The following SPHKAP variants were observed in gnomAD, a reference collection of about 807,000 sequenced individuals.
SPHKAP encodes the protein A-kinase anchor protein SPHKAP.
A neutral mutation model predicts 137.5 loss-of-function variants in SPHKAP; 67 were observed. That is an observed-to-expected ratio of 0.49 (90% CI 0.40 to 0.60). The LOEUF is 0.60. SPHKAP is among the 20% of genes least tolerant of loss of function. The pLI, the probability that SPHKAP is intolerant of heterozygous loss-of-function variation, is 0.00. For missense variants in SPHKAP, 2,097 were observed against 2,069.3 expected, an observed-to-expected ratio of 1.01 and a Z score of -0.26; for synonymous variants, 813 against 785.3, an observed-to-expected ratio of 1.04 and a Z score of -0.59.
chr2:228,058,770 A>G (rs1198145162), intron 3 of SPHKAP, among the ~76,000 whole-genome samples: 2 of 152,244 alleles, frequency 1.3e-5, no homozygotes, highest in African/African-American at 2.4e-5. Flanking sequence ...AAATAGAAGA[A>G]TCTGCTTATT....
At chr2:227,985,153 C>T (rs1358461088) in intron 11 of SPHKAP, among the ~76,000 whole-genome samples, 1 of 152,108 alleles carries the variant, frequency 6.6e-6, no homozygotes, top group Non-Finnish European at 1.5e-5. Flanking sequence ...CTAGGCCACT[C>T]TGTGTATAGT....
intron 3 of SPHKAP, among the ~76,000 whole-genome samples, chr2:228,100,516 C>T (rs1460358577): frequency 6.6e-6 from 1 of 152,028 alleles, no homozygotes; most frequent in African/African-American, 2.4e-5. Context: ...AGGTATGTTA[C>T]TTTGATGCCT....
chr2:228,054,904 G>A (rs188871032), intron 3 of SPHKAP, among the ~76,000 whole-genome samples: 2 of 152,112 alleles, frequency 1.3e-5, no homozygotes, highest in African/African-American at 4.8e-5. Context: ...ACTTTGGGAG[G>A]CTGGGCAGGA....
At chr2:228,045,189 G>T (rs1054860697) in intron 3 of SPHKAP, among the ~76,000 whole-genome samples, 73 of 151,586 alleles carry the variant, frequency 4.8e-4, no homozygotes, top group South Asian at 8.4e-4. Context: ...AGGCAGTGTG[G>T]CGATTCCTCA....
chr2:228,038,324 A>G (rs574285723), intron 3 of SPHKAP, among the ~76,000 whole-genome samples: 2 of 152,306 alleles, frequency 1.3e-5, no homozygotes, highest in East Asian at 1.9e-4. Flanking sequence ...CAGTGTTATT[A>G]CAGGAGGAAA....
chr2:228,177,864 T>C (rs1244110360), intron 1 of SPHKAP, among the ~76,000 whole-genome samples: 1 of 152,184 alleles, frequency 6.6e-6, no homozygotes, highest in East Asian at 1.9e-4. Context: ...TGAGTTTTGA[T>C]CTTATCATTC....
intron 2 of SPHKAP, chr2:228,109,456 T>C (rs1286540581): frequency 2.4e-5 from 19 of 802,434 alleles, no homozygotes; most frequent in Non-Finnish European, 2.7e-5. Flanking sequence ...TTGTTAGAAA[T>C]AACTTATAAA....
intron 3 of SPHKAP, among the ~76,000 whole-genome samples, chr2:228,083,837 A>G (rs1697449234): frequency 6.6e-6 from 1 of 152,170 alleles, no homozygotes; most frequent in South Asian, 2.1e-4. Context: ...CAGGAACAGA[A>G]AACCAAACAC....
At chr2:228,001,183 G>GATCAAAA (rs1693841801) in intron 7 of SPHKAP, among the ~76,000 whole-genome samples, 2 of 148,512 alleles carry the variant, frequency 1.3e-5, no homozygotes, top group Non-Finnish European at 3.0e-5. Context: ...CATGTTCTTT[G>GATCAAAA]GTGAAGTGTC....
intron 2 of SPHKAP, among the ~76,000 whole-genome samples, chr2:228,125,172 A>G (rs919589095): frequency 6.6e-6 from 1 of 152,158 alleles, no homozygotes; most frequent in African/African-American, 2.4e-5. Context: ...TTTTCCTCAC[A>G]TGAATCCTAT....
At chr2:227,999,900 T>C (rs1693784033) in intron 7 of SPHKAP, among the ~76,000 whole-genome samples, 1 of 152,256 alleles carries the variant, frequency 6.6e-6, no homozygotes, top group Admixed American at 6.5e-5. Flanking sequence ...AATTCCATCA[T>C]AGAATCTAAT....
At position 227,980,791 on chromosome 2, in the gene SPHKAP, T is replaced by G. The variant is rs534601376; in HGVS notation, c.*926A>C. 1.3e-5 allele frequency: 2 copies of G among 152,208 alleles called. No individual in the cohort carries two copies. Among genetic ancestry groups the G allele is most frequent in the Non-Finnish European group, 2.9e-5 (2 of 68,042 alleles). The allele number at this position is 152,208 out of a possible 1,614,324, so 9.4% of individuals were successfully genotyped here. On this transcript the variant is annotated 3_prime_UTR_variant, in exon 12 of 12. Coordinates refer to ENST00000392056, the MANE Select transcript of SPHKAP (RefSeq NM_001142644.2). ...CTGAGCTCAATGTCAATATGTGACT[T>G]TAGACAACAATCTCTTCATATTTTA...
intron 9 of SPHKAP, chr2:227,991,702 C>T: frequency 3.1e-6 from 3 of 982,384 alleles, no homozygotes; most frequent in Non-Finnish European, 3.6e-6. Context: ...TATTCTTTTG[C>T]ATTTTACTTT....
chr2:228,063,327 G>T (rs1463792615), intron 3 of SPHKAP, among the ~76,000 whole-genome samples: 1 of 151,946 alleles, frequency 6.6e-6, no homozygotes, highest in East Asian at 1.9e-4. Context: ...GGAACTTTTG[G>T]ATATAACACT....
intron 3 of SPHKAP, among the ~76,000 whole-genome samples, chr2:228,104,319 T>C (rs575438108): frequency 2.1e-5 from 3 of 145,702 alleles, no homozygotes; most frequent in African/African-American, 7.5e-5. Context: ...ATTAATAATA[T>C]AATATTAAAT....
chr2:228,006,980 G>T (rs1489026538), intron 7 of SPHKAP, among the ~76,000 whole-genome samples: 2 of 152,172 alleles, frequency 1.3e-5, no homozygotes, highest in Admixed American at 1.3e-4. Flanking sequence ...AGGCTACTCG[G>T]GGGTCAGGGA....
At chr2:228,056,781 T>G (rs1696463143) in intron 3 of SPHKAP, among the ~76,000 whole-genome samples, 1 of 152,326 alleles carries the variant, frequency 6.6e-6, no homozygotes, top group South Asian at 2.1e-4. Context: ...TTATACTCTT[T>G]GCAGCTTGTA....
At chr2:228,009,335 C>T (rs1478374313) in intron 7 of SPHKAP, among the ~76,000 whole-genome samples, 1 of 151,978 alleles carries the variant, frequency 6.6e-6, no homozygotes, top group African/African-American at 2.4e-5. Context: ...TTATCATGTG[C>T]CTTGATGTGA....
intron 7 of SPHKAP, among the ~76,000 whole-genome samples, chr2:227,997,472 A>T (rs1406427585): frequency 6.6e-6 from 1 of 152,250 alleles, no homozygotes; most frequent in Non-Finnish European, 1.5e-5. Context: ...TAAATTAGAA[A>T]AAAAATCATT....
Sources: allele counts gnomAD v4.1 joint callset (sites outside exome capture counted in the v4.1 genomes callset), GRCh38; gene constraint gnomAD v4.1.1; transcripts MANE v1.5; gene names NCBI Gene and HGNC (gene_info 2026-07-23, HGNC 2026-07-21).